The following SDK1 variants were observed in gnomAD, a reference collection of about 807,000 sequenced individuals.
SDK1 encodes sidekick cell adhesion molecule 1.
In SDK1, 157 loss-of-function variants were observed where a neutral mutation model predicts 245.5. The observed-to-expected ratio is 0.64, with a 90% CI of 0.56 to 0.73. The LOEUF (loss-of-function observed/expected upper bound fraction) is 0.73. Among genes scored for constraint, SDK1 ranks in the 30% least tolerant of loss-of-function variants. The pLI is 0.00. For missense variants in SDK1, 3,583 were observed against 3,002.3 expected, an observed-to-expected ratio of 1.19 and a Z score of -4.52; for synonymous variants, 1,647 against 1,278.5, an observed-to-expected ratio of 1.29 and a Z score of -6.15.
chr7:3,573,892 T>C (rs985417900), intron 1 of SDK1, among the ~76,000 whole-genome samples: 1 of 152,056 alleles, frequency 6.6e-6, no homozygotes, highest in African/African-American at 2.4e-5. Flanking sequence ...AATGTGTAAT[T>C]AAGCACTATG....
chr7:3,623,824 ACTC>A (rs1370094459), intron 2 of SDK1, among the ~76,000 whole-genome samples: 5 of 152,048 alleles, frequency 3.3e-5, no homozygotes, highest in Non-Finnish European at 1.5e-5. Flanking sequence ...TATACTCTAA[ACTC>A]CTAAAAATTT....
intron 4 of SDK1, among the ~76,000 whole-genome samples, chr7:3,803,711 A>G (rs2115038185): frequency 6.9e-6 from 1 of 144,646 alleles, no homozygotes; most frequent in East Asian, 2.0e-4. Context: ...TGTTTTGCAG[A>G]TATTTTCTTC....
At position 3,775,734 on chromosome 7, in the gene SDK1, A is replaced by T. The variant is rs971489090; in HGVS notation, c.714-45716A>T. Among the ~76,000 whole-genome samples, 6 of 151,476 alleles carry T rather than the reference A, an allele frequency of 4.0e-5. No homozygotes were observed. In the South Asian group the frequency reaches 1.0e-3, roughly 26 times the overall value. On this transcript the variant is annotated intron_variant, in intron 4 of 44. Coordinates refer to ENST00000404826, the MANE Select transcript of SDK1 (RefSeq NM_152744.4). Reference sequence around the variant, plus strand: ...TGGGACTACAGGCGCCCGCCACCGCACCCGGCTAATTTTTTGTATTTTTAG... The same window carrying T: ...TGGGACTACAGGCGCCCGCCACCGCTCCCGGCTAATTTTTTGTATTTTTAG...
At position 3,477,487 on chromosome 7, in the gene SDK1, C is replaced by T. The variant is rs185407456; in HGVS notation, c.299-141593C>T. Among the ~76,000 whole-genome samples the T allele has an allele frequency of 4.7e-4, 70 of 150,290 alleles. 1 individual carries two copies. The highest frequency in any genetic ancestry group is 8.4e-4 in the South Asian group (4 of 4,734). ...GATTACACGTGTGAGCCACCCTGCTCGGCCTATGGTTTTGTTTCTTTCTTT... is the reference window on the plus strand; with the variant it reads ...GATTACACGTGTGAGCCACCCTGCTTGGCCTATGGTTTTGTTTCTTTCTTT... On this transcript the variant is annotated intron_variant, in intron 1 of 44. Transcript: ENST00000404826.
At chr7:3,409,470 T>G (rs549187842) in intron 1 of SDK1, among the ~76,000 whole-genome samples, 2 of 152,304 alleles carry the variant, frequency 1.3e-5, no homozygotes, top group South Asian at 4.1e-4. Context: ...CCATGGACTT[T>G]GAAGTGTTAC....
At chr7:3,755,986 T>C (rs1230532440) in intron 4 of SDK1, among the ~76,000 whole-genome samples, 1 of 151,926 alleles carries the variant, frequency 6.6e-6, no homozygotes, top group Admixed American at 6.6e-5. Context: ...GTGTGACACA[T>C]GCATATCTTT....
rs1583606583 is a variant in SDK1, at chr7:3,947,556, G to A, written c.848-3367G>A. ...TGTGTGTGTGTGTGTGTGTGTGTGTGTGTGTGTGTGTGTATTTTTTTGTAA... is the reference window on the plus strand; with the variant it reads ...TGTGTGTGTGTGTGTGTGTGTGTGTATGTGTGTGTGTGTATTTTTTTGTAA... On this transcript the variant is annotated intron_variant, in intron 5 of 44. Coordinates refer to ENST00000404826, the MANE Select transcript of SDK1 (RefSeq NM_152744.4). Among the ~76,000 whole-genome samples, 3 of 151,134 alleles carry A rather than the reference G, an allele frequency of 2.0e-5. No individual in the cohort carries two copies. In the East Asian group the frequency reaches 5.8e-4, roughly 29 times the overall value.
intron 40 of SDK1, among the ~76,000 whole-genome samples, chr7:4,222,459 T>G (rs1383335257): frequency 6.6e-6 from 1 of 152,088 alleles, no homozygotes; most frequent in Non-Finnish European, 1.5e-5. Flanking sequence ...CACGCCCGGC[T>G]AATTTTTATA....
intron 17 of SDK1, among the ~76,000 whole-genome samples, chr7:4,020,976 A>C (rs1430502704): frequency 6.6e-6 from 1 of 152,148 alleles, no homozygotes. Flanking sequence ...TGTGATGAAG[A>C]GTGTCTACTA....
intron 1 of SDK1, among the ~76,000 whole-genome samples, chr7:3,535,728 A>G (rs917354699): frequency 3.9e-5 from 6 of 152,202 alleles, no homozygotes; most frequent in Non-Finnish European, 8.8e-5. Context: ...CTACATACAC[A>G]GCGTGGTTGA....
At chr7:3,841,956 C>A (rs968202340) in intron 5 of SDK1, among the ~76,000 whole-genome samples, 1 of 152,212 alleles carries the variant, frequency 6.6e-6, no homozygotes, top group East Asian at 1.9e-4. Flanking sequence ...CAGGTGGCCT[C>A]AGACTACTCT....
rs142550323 is a variant in SDK1, at chr7:4,241,982, G to T, written c.6251+69G>T. On this transcript the variant is annotated intron_variant, in intron 43 of 44. Coordinates refer to ENST00000404826, the MANE Select transcript of SDK1 (RefSeq NM_152744.4). ...TGCCAGGGCTGGGGTGGCAGCCCAC[G>T]CCCACTGGCACCTCCTGCATCCCGC... is the stretch of plus-strand genomic sequence containing the variant. The T allele has an allele frequency of 2.0e-5, 32 of 1,565,408 alleles. No individual in the cohort carries two copies. The East Asian group carries it at 6.7e-4, about 33-fold the overall frequency.
chr7:3,403,243 G>C (rs1019803716), intron 1 of SDK1, among the ~76,000 whole-genome samples: 2 of 152,018 alleles, frequency 1.3e-5, no homozygotes, highest in African/African-American at 2.4e-5. Flanking sequence ...CTATACTTCT[G>C]TTTCTTATGA....
chr7:4,234,704 C>T (rs1270760136), intron 41 of SDK1, among the ~76,000 whole-genome samples: 4 of 152,208 alleles, frequency 2.6e-5, no homozygotes, highest in Non-Finnish European at 5.9e-5. Flanking sequence ...GGCCCCTCAC[C>T]CCAGACAGTG....
chr7:3,604,742 A>G (rs1781368289), intron 1 of SDK1, among the ~76,000 whole-genome samples: 1 of 151,148 alleles, frequency 6.6e-6, no homozygotes, highest in East Asian at 1.9e-4. Context: ...AGCTGGGATT[A>G]CAGGCATGTG....
intron 1 of SDK1, among the ~76,000 whole-genome samples, chr7:3,395,140 A>G (rs1480339087): frequency 1.3e-5 from 2 of 151,968 alleles, no homozygotes; most frequent in Admixed American, 6.6e-5. Context: ...TTTTTTGCAC[A>G]TGTTACCAGG....
intron 19 of SDK1, among the ~76,000 whole-genome samples, chr7:4,066,569 C>T (rs1486197246): frequency 6.6e-6 from 1 of 152,202 alleles, no homozygotes; most frequent in African/African-American, 2.4e-5. Flanking sequence ...GGAGTAACGG[C>T]ATCCGGGAGA....
intron 5 of SDK1, among the ~76,000 whole-genome samples, chr7:3,897,745 CTGTGTGTGTG>C (rs56863215): frequency 0.16 from 24,069 of 150,110 alleles, 2,064 homozygotes; most frequent in Middle Eastern, 0.3. Flanking sequence ...GTTTTTACAG[CTGTGTGTGTG>C]TGTGTGTGTG....
At chr7:3,350,782 G>A (rs868561435) in intron 1 of SDK1, among the ~76,000 whole-genome samples, 20 of 151,988 alleles carry the variant, frequency 1.3e-4, no homozygotes, top group African/African-American at 4.6e-4. Context: ...TACTTCTCAC[G>A]ATTTATCTTG....
Sources: gnomAD v4.1 joint callset for allele counts (sites outside exome capture counted in the v4.1 genomes callset) on GRCh38, gnomAD v4.1.1 for gene constraint, MANE v1.5 for transcripts, NCBI Gene and HGNC (gene_info 2026-07-23, HGNC 2026-07-21) for gene names.